CACNA1D: variants seen among roughly 807,000 people sequenced by gnomAD.
CACNA1D encodes voltage-dependent L-type calcium channel subunit alpha-1D.
CACNA1D carries 55 observed loss-of-function variants against 257.1 expected under a neutral mutation model. The observed-to-expected ratio is 0.21, with a 90% CI of 0.17 to 0.27. The LOEUF is 0.27. Ranked by LOEUF, CACNA1D falls within the 10% of genes least tolerant of loss-of-function variation. The pLI, the probability that CACNA1D is intolerant of heterozygous loss-of-function variation, is 1.00. For synonymous variants in CACNA1D, 980 were observed against 1,014.9 expected, an observed-to-expected ratio of 0.97 and a Z score of 0.65; for missense variants, 1,876 against 2,784.0, an observed-to-expected ratio of 0.67 and a Z score of 7.34.
chr3:53,548,429 A>G (rs1014194596), intron 3 of CACNA1D, among the ~76,000 whole-genome samples: 1 of 149,346 alleles, frequency 6.7e-6, no homozygotes, highest in Non-Finnish European at 1.5e-5. Flanking sequence ...TACATTACAC[A>G]TTTAACTACC....
Position 53,569,038 on chromosome 3 carries a change from A to G in CACNA1D, c.483+67318A>G, listed in dbSNP as rs570338889. On this transcript the variant is annotated intron_variant, in intron 3 of 47. Coordinates refer to ENST00000350061, the MANE Select transcript of CACNA1D (RefSeq NM_001128840.3). ...TTCTTCTCATCTTCTCATGGCTCCC[A>G]GGATACCACACTTTCCTGGTGTTCC... Among the ~76,000 whole-genome samples the G allele has an allele frequency of 3.3e-5, 5 of 152,288 alleles. No homozygotes were observed. The South Asian group carries it at 1.0e-3, about 32-fold the overall frequency.
intron 3 of CACNA1D, among the ~76,000 whole-genome samples, chr3:53,513,289 G>C (rs1421568513): frequency 6.6e-6 from 1 of 152,182 alleles, no homozygotes; most frequent in Non-Finnish European, 1.5e-5. Context: ...AATTCTTGTT[G>C]CCTAGTGACA....
intron 3 of CACNA1D, among the ~76,000 whole-genome samples, chr3:53,603,105 T>C (rs1249252045): frequency 6.6e-6 from 1 of 152,240 alleles, no homozygotes; most frequent in Non-Finnish European, 1.5e-5. Context: ...TAGACCTACA[T>C]AGCATGAAAC....
chr3:53,782,264 G>GTGTGTGTATATATATATATATA (rs6147823), intron 39 of CACNA1D: 18 of 75,442 alleles, frequency 2.4e-4, no homozygotes, highest in African/African-American at 5.7e-4. Flanking sequence ...GTGTGTGTGT[G>GTGTGTGTATATATATATATATA]TATATATATA....
intron 9 of CACNA1D, among the ~76,000 whole-genome samples, chr3:53,708,477 A>G (rs2094715607): frequency 6.6e-6 from 1 of 152,170 alleles, no homozygotes; most frequent in South Asian, 2.1e-4. Flanking sequence ...TTGGGGTGGC[A>G]CTGGGAGTAG....
chr3:53,553,356 C>T (rs941099918), intron 3 of CACNA1D, among the ~76,000 whole-genome samples: 1 of 152,200 alleles, frequency 6.6e-6, no homozygotes, highest in Admixed American at 6.5e-5. Context: ...CTGTCTGCCT[C>T]CCTGCCTGCC....
chr3:53,495,712 G>A lies in CACNA1D; in HGVS notation c.67+479G>A, dbSNP rs778487108. The stretch of plus-strand genomic sequence containing the variant: ...CCGGTTTCGCCCTCCGCGCCGGTGG[G>A]TGAAGCACACCCATCCCCTCGCGGG... On this transcript the variant is annotated intron_variant, in intron 1 of 47. Coordinates refer to ENST00000350061, the MANE Select transcript of CACNA1D (RefSeq NM_001128840.3). The surrounding 1 kb of genome is among the most constrained non-coding windows in gnomAD (Gnocchi z 5.1). Among the ~76,000 whole-genome samples, 1 of 152,250 alleles carries A rather than the reference G, an allele frequency of 6.6e-6. No homozygotes were observed. The highest frequency in any genetic ancestry group is 2.4e-5 in the African/African-American group (1 of 41,466).
intron 3 of CACNA1D, among the ~76,000 whole-genome samples, chr3:53,589,891 G>C (rs2093277699): frequency 6.6e-6 from 1 of 152,156 alleles, no homozygotes; most frequent in South Asian, 2.1e-4. Context: ...CATGGTTTGG[G>C]TGGCTGTTTC....
chr3:53,569,779 T>C (rs187599890), intron 3 of CACNA1D, among the ~76,000 whole-genome samples: 2 of 152,360 alleles, frequency 1.3e-5, no homozygotes, highest in Admixed American at 6.5e-5. Flanking sequence ...TCTTTGACTT[T>C]AGAGCCAGAT....
chr3:53,709,511 C>T (rs2094726694), intron 9 of CACNA1D, among the ~76,000 whole-genome samples: 1 of 152,212 alleles, frequency 6.6e-6, no homozygotes, highest in Non-Finnish European at 1.5e-5. Context: ...AGAAAGGATG[C>T]ACATTTTAGG....
chr3:53,540,079 C>CTT, intron 3 of CACNA1D, among the ~76,000 whole-genome samples: 1 of 136,252 alleles, frequency 7.3e-6, no homozygotes, highest in East Asian at 2.1e-4. Flanking sequence ...TGAACACATT[C>CTT]TTTTTTTTTT....
rs1208993200 is a variant in CACNA1D at position 53,793,429 on chromosome 3, G to C, written c.4923+6477G>C. Among the ~76,000 whole-genome samples, 1 of 152,216 alleles carries C rather than the reference G, an allele frequency of 6.6e-6. No individual in the cohort carries two copies. Among genetic ancestry groups the C allele is most frequent in the African/African-American group, 2.4e-5 (1 of 41,454 alleles). On this transcript the variant is annotated intron_variant, in intron 40 of 47. Transcript: ENST00000350061. This position sits in a 1 kb window ranked among gnomAD's most constrained non-coding sequence, Gnocchi z 4.1. Reference sequence around the variant, plus strand: ...GAAGGATGGCACGTGCCTACCCCCTGTATGTGTCACTCTGTCTCAGAGGGC... The same window carrying C: ...GAAGGATGGCACGTGCCTACCCCCTCTATGTGTCACTCTGTCTCAGAGGGC...
chr3:53,575,220 G>A (rs1439302069), intron 3 of CACNA1D, among the ~76,000 whole-genome samples: 1 of 152,220 alleles, frequency 6.6e-6, no homozygotes, highest in Non-Finnish European at 1.5e-5. Flanking sequence ...CTGTGCACAG[G>A]AAGCTGCGGG....
intron 3 of CACNA1D, among the ~76,000 whole-genome samples, chr3:53,550,637 T>C (rs899933720): frequency 6.6e-6 from 1 of 152,244 alleles, no homozygotes; most frequent in African/African-American, 2.4e-5. Context: ...GGATGGCTTC[T>C]CAGTCGTCTT....
chr3:53,697,612 T>C (rs2094584163), intron 8 of CACNA1D, among the ~76,000 whole-genome samples: 2 of 152,304 alleles, frequency 1.3e-5, no homozygotes, highest in South Asian at 2.1e-4. Context: ...AGAATAGAAA[T>C]AGCACAGTGA....
chr3:53,498,295 T>C (rs2090435732), intron 2 of CACNA1D, among the ~76,000 whole-genome samples: 1 of 152,172 alleles, frequency 6.6e-6, no homozygotes. Context: ...CTTTGTATTT[T>C]TAAAATTGAA....
At chr3:53,687,973 C>G (rs1488454239) in intron 8 of CACNA1D, among the ~76,000 whole-genome samples, 1 of 152,236 alleles carries the variant, frequency 6.6e-6, no homozygotes, top group Non-Finnish European at 1.5e-5. Flanking sequence ...TATGCTCATA[C>G]ATTGTTTATA....
intron 3 of CACNA1D, among the ~76,000 whole-genome samples, chr3:53,640,712 A>T (rs1181810485): frequency 6.6e-6 from 1 of 152,112 alleles, no homozygotes; most frequent in Non-Finnish European, 1.5e-5. Context: ...ATGTCAAAAC[A>T]TGTGATATAA....
chr3:53,720,775 G>A (rs2094875031), intron 11 of CACNA1D, among the ~76,000 whole-genome samples: 1 of 152,132 alleles, frequency 6.6e-6, no homozygotes, highest in African/African-American at 2.4e-5. Flanking sequence ...TGATTGGTGG[G>A]AACTTTCATA....
Sources: gnomAD v4.1 joint callset for allele counts (sites outside exome capture counted in the v4.1 genomes callset) on GRCh38, gnomAD v4.1.1 for gene constraint, Gnocchi (gnomAD v3.1) non-coding constraint, MANE v1.5 for transcripts, NCBI Gene and HGNC (gene_info 2026-07-23, HGNC 2026-07-21) for gene names.